IL1RAPL1: variants seen among roughly 807,000 people sequenced by gnomAD.
IL1RAPL1 encodes interleukin-1 receptor accessory protein-like 1.
A neutral mutation model predicts 48.4 loss-of-function variants in IL1RAPL1; 3 were observed. The ratio of observed to expected loss-of-function variants is 0.06; its 90% CI spans 0.03 to 0.16. IL1RAPL1 has a LOEUF of 0.16. IL1RAPL1 is among the 10% of genes least tolerant of loss of function. The pLI, the probability that IL1RAPL1 is intolerant of heterozygous loss-of-function variation, is 1.00. For missense variants in IL1RAPL1, 349 were observed against 530.6 expected, an observed-to-expected ratio of 0.66 and a Z score of 3.36; for synonymous variants, 185 against 187.7, an observed-to-expected ratio of 0.99 and a Z score of 0.12.
intron 1 of IL1RAPL1, among the ~76,000 whole-genome samples, chrX:28,736,895 C>T (rs1935833101): frequency 9.0e-6 from 1 of 111,218 alleles, no homozygotes; most frequent in African/African-American, 3.3e-5. Flanking sequence ...AGTAGATTTT[C>T]TTAACTCTGT....
At chrX:29,736,090 T>A (rs1269390774) in intron 6 of IL1RAPL1, among the ~76,000 whole-genome samples, 1 of 112,107 alleles carries the variant, frequency 8.9e-6, no homozygotes, top group Non-Finnish European at 1.9e-5. Flanking sequence ...AACACTGAAG[T>A]TGTCCACAAA....
At chrX:29,903,576 GGA>G (rs1932544495) in intron 6 of IL1RAPL1, among the ~76,000 whole-genome samples, 1 of 111,276 alleles carries the variant, frequency 9.0e-6, no homozygotes, top group Admixed American at 9.6e-5. Flanking sequence ...GTCCTCTAGT[GGA>G]GAGAGACTCT....
intron 1 of IL1RAPL1, among the ~76,000 whole-genome samples, chrX:28,778,188 A>T (rs748138148): frequency 3.6e-5 from 4 of 111,913 alleles, no homozygotes; most frequent in East Asian, 2.8e-4. Flanking sequence ...AAACTAAAAA[A>T]TTTGCCACGT....
At chrX:28,915,857 A>T (rs1923477495) in intron 2 of IL1RAPL1, among the ~76,000 whole-genome samples, 1 of 110,555 alleles carries the variant, frequency 9.0e-6, no homozygotes, top group South Asian at 3.9e-4. Context: ...ATTTTTTTTA[A>T]CTTGGGTAGC....
chrX:29,702,120 T>G (rs1229990857), intron 6 of IL1RAPL1, among the ~76,000 whole-genome samples: 1 of 110,716 alleles, frequency 9.0e-6, no homozygotes, highest in African/African-American at 3.3e-5. Flanking sequence ...CTGGGCGTGG[T>G]GGTGTACACC....
At chrX:29,736,058 A>G (rs1928033665) in intron 6 of IL1RAPL1, among the ~76,000 whole-genome samples, 1 of 112,455 alleles carries the variant, frequency 8.9e-6, no homozygotes, top group Admixed American at 9.4e-5. Context: ...GCTAGACCAC[A>G]AAGAGAAAGA....
intron 2 of IL1RAPL1, among the ~76,000 whole-genome samples, chrX:28,981,853 C>T (rs1338273424): frequency 9.0e-6 from 1 of 111,416 alleles, no homozygotes; most frequent in Non-Finnish European, 1.9e-5. Context: ...CCCTAATTAT[C>T]CCCAGCTCTT....
intron 1 of IL1RAPL1, among the ~76,000 whole-genome samples, chrX:28,613,407 T>C (rs1470503676): frequency 8.9e-6 from 1 of 112,604 alleles, no homozygotes; most frequent in Non-Finnish European, 1.9e-5. Flanking sequence ...AGTAATCCCC[T>C]GGTGAGTTTT....
intron 8 of IL1RAPL1, among the ~76,000 whole-genome samples, chrX:29,938,364 G>A (rs994344779): frequency 9.0e-6 from 1 of 110,808 alleles, no homozygotes; most frequent in East Asian, 2.8e-4. Flanking sequence ...AAAGCTCCTC[G>A]ACTATCTATG....
In IL1RAPL1 at chrX:28,707,239, A is replaced by G. The variant is rs767921824; in HGVS notation, c.-24-82081A>G. On this transcript the variant is annotated intron_variant, in intron 1 of 10. Transcript: ENST00000378993. ...GGCCCACGCAAGGGGTAAGCCCTCC[A>G]TGCTGAGGCATTTATATTCCTGGGA... is the stretch of plus-strand genomic sequence containing the variant. 3.6e-5 allele frequency among the ~76,000 whole-genome samples: 4 copies of G among 112,368 alleles called. No homozygotes were observed. In the East Asian group the frequency reaches 1.1e-3, roughly 32 times the overall value.
At chrX:29,124,138 A>G (rs1928854057) in intron 2 of IL1RAPL1, among the ~76,000 whole-genome samples, 1 of 111,938 alleles carries the variant, frequency 8.9e-6, no homozygotes, top group Admixed American at 9.5e-5. Flanking sequence ...TGCACAAGTA[A>G]CGGAAATATA....
intron 2 of IL1RAPL1, among the ~76,000 whole-genome samples, chrX:29,237,644 T>A (rs1931335191): frequency 8.9e-6 from 1 of 112,881 alleles, no homozygotes; most frequent in Admixed American, 9.4e-5. Flanking sequence ...CTTTGCTTAG[T>A]AACGTGTCTT....
chrX:28,768,866 A>G (rs1936281036), intron 1 of IL1RAPL1, among the ~76,000 whole-genome samples: 1 of 97,033 alleles, frequency 1.0e-5, no homozygotes, highest in South Asian at 5.0e-4. Flanking sequence ...GTCTAACTAT[A>G]AGAGCTATAC....
At chrX:28,944,806 A>G (rs2147351132) in intron 2 of IL1RAPL1, among the ~76,000 whole-genome samples, 1 of 110,141 alleles carries the variant, frequency 9.1e-6, no homozygotes, top group African/African-American at 3.3e-5. Context: ...AGATCATTTT[A>G]AAATTTGACT....
chrX:29,444,872 G>T (rs1934594438), intron 5 of IL1RAPL1, among the ~76,000 whole-genome samples: 1 of 111,875 alleles, frequency 8.9e-6, no homozygotes, highest in Non-Finnish European at 1.9e-5. Context: ...TGGTGGTTTT[G>T]TAGTACAGAC....
At chrX:29,222,546 G>T (rs184448805) in intron 2 of IL1RAPL1, among the ~76,000 whole-genome samples, 178 of 111,968 alleles carry the variant, frequency 1.6e-3, no homozygotes, top group Middle Eastern at 9.3e-3. Context: ...TCAGAAAATT[G>T]TAGTTAGTAT....
At chrX:29,932,260 G>A (rs1042688505) in intron 8 of IL1RAPL1, among the ~76,000 whole-genome samples, 4 of 111,808 alleles carry the variant, frequency 3.6e-5, no homozygotes, top group African/African-American at 1.3e-4. Context: ...TAATCTAAAG[G>A]GGAAAGGTTT....
At chrX:29,327,886 A>G (rs768506283) in intron 3 of IL1RAPL1, among the ~76,000 whole-genome samples, 1 of 111,239 alleles carries the variant, frequency 9.0e-6, no homozygotes, top group Non-Finnish European at 1.9e-5. Flanking sequence ...TCTGTAGACA[A>G]TATGTAAACA....
At chrX:29,174,947 A>G (rs1398659506) in intron 2 of IL1RAPL1, among the ~76,000 whole-genome samples, 37 of 109,094 alleles carry the variant, frequency 3.4e-4, no homozygotes, top group Admixed American at 3.2e-3. Context: ...GGTGGCGGGC[A>G]CCTGTAGTCC....
Sources: allele counts gnomAD v4.1 joint callset (sites outside exome capture counted in the v4.1 genomes callset), GRCh38; gene constraint gnomAD v4.1.1; transcripts MANE v1.5; gene names NCBI Gene and HGNC (gene_info 2026-07-23, HGNC 2026-07-21).